Variants in CUX1 observed in about 807,000 individuals in gnomAD.
CUX1 encodes the protein cut like homeobox 1, also known as protein CASP.
A neutral mutation model predicts 158.8 loss-of-function variants in CUX1; 31 were observed. The observed-to-expected ratio is 0.20, with a 90% CI of 0.15 to 0.26. The LOEUF (loss-of-function observed/expected upper bound fraction) is 0.26. Ranked by LOEUF, CUX1 falls within the 10% of genes least tolerant of loss-of-function variation. The probability of loss-of-function intolerance (pLI) is 1.00; values close to 1 mark genes in which losing one functional copy is unlikely to be tolerated. For missense variants in CUX1, 1,589 were observed against 2,014.6 expected (o/e 0.79, Z 4.04); for synonymous variants, 879 against 862.1 (o/e 1.02, Z -0.34).
chr7:102,097,043 G>A (rs117597229), intron 4 of CUX1, among the ~76,000 whole-genome samples: 57 of 152,348 alleles, frequency 3.7e-4, no homozygotes, highest in Non-Finnish European at 7.8e-4. Flanking sequence ...GCTACCTGGT[G>A]TATTTCTCTA....
In CUX1 at chr7:102,282,790, C is replaced by T. The variant is rs782549023; in HGVS notation, c.1967+14C>T. On this transcript the variant is annotated intron_variant, in intron 22 of 22. Coordinates refer to the CUX1 transcript ENST00000292538. The stretch of plus-strand genomic sequence containing the variant: ...CTGCGCCAAGAAGTGAGGACCCCCA[C>T]TTGGGCCCCCCCTCAGCCCCACAGC... 18 of 1,607,846 alleles carry T rather than the reference C, an allele frequency of 1.1e-5. No individual in the cohort carries two copies. The Admixed American group carries it at 2.9e-4, about 25-fold the overall frequency.
intron 20 of CUX1, among the ~76,000 whole-genome samples, chr7:102,221,187 A>G (rs564500160): frequency 6.6e-6 from 1 of 152,250 alleles, no homozygotes; most frequent in Non-Finnish European, 1.5e-5. Context: ...AAAGTGGCGC[A>G]TCAGACCAGC....
intron 2 of CUX1, among the ~76,000 whole-genome samples, chr7:102,016,667 C>T (rs563639264): frequency 6.6e-6 from 1 of 152,160 alleles, no homozygotes; most frequent in Non-Finnish European, 1.5e-5. Context: ...TAGTAGAATT[C>T]TCTCATAAGT....
chr7:101,955,910 C>G (rs1489905112), intron 2 of CUX1, among the ~76,000 whole-genome samples: 1 of 140,336 alleles, frequency 7.1e-6, no homozygotes, highest in Non-Finnish European at 1.5e-5. Context: ...AAGGCTGGGC[C>G]CTGTGGCTCA....
intron 12 of CUX1, among the ~76,000 whole-genome samples, chr7:102,192,090 T>G (rs1250356159): frequency 3.3e-5 from 5 of 152,202 alleles, no homozygotes; most frequent in Admixed American, 6.5e-5. Flanking sequence ...GTTTTCCACT[T>G]CCTGGTGAAC....
intron 2 of CUX1, among the ~76,000 whole-genome samples, chr7:101,974,800 A>T (rs1451755650): frequency 1.3e-5 from 2 of 152,184 alleles, no homozygotes; most frequent in Non-Finnish European, 2.9e-5. Flanking sequence ...CGTTGTATGT[A>T]TAATAAACAC....
rs189715323 is a variant in CUX1, at chr7:102,065,090, G to T, written c.190-5249G>T. The stretch of plus-strand genomic sequence containing the variant: ...CTCCAACTTCAGGGTCATTCTGGTT[G>T]TTTTTTTTTAAGACAGGGTCTCACT... On this transcript the variant is annotated intron_variant, in intron 3 of 23. Coordinates refer to ENST00000292535, the MANE Select transcript of CUX1 (RefSeq NM_181552.4). 1.1e-4 allele frequency among the ~76,000 whole-genome samples: 17 copies of T among 151,204 alleles called. No individual in the cohort carries two copies. In the East Asian group the frequency reaches 3.3e-3, roughly 29 times the overall value.
chr7:102,234,369 A>C, intron 22 of CUX1, 129 bp downstream of exon 22: 1 of 822,460 alleles, frequency 1.2e-6, no homozygotes, highest in Non-Finnish European at 1.7e-6. Flanking sequence ...ACAGGGCAAA[A>C]ATATTTTTGG....
At chr7:102,010,201 C>A (rs1169762968) in intron 2 of CUX1, among the ~76,000 whole-genome samples, 3 of 151,986 alleles carry the variant, frequency 2.0e-5, no homozygotes, top group Non-Finnish European at 4.4e-5. Context: ...CGAGACCAGC[C>A]TGGCCAACAT....
chr7:102,044,628 T>A (rs572486724), intron 3 of CUX1, among the ~76,000 whole-genome samples: 8 of 152,310 alleles, frequency 5.3e-5, no homozygotes, highest in Admixed American at 2.6e-4. Context: ...ATTCTTTGCC[T>A]TATGGAAGTG....
rs1337241518 is a variant in CUX1, at chr7:102,255,635, CAGAA to C, written c.*6599_*6602del. ...TGCTATGTATCAAGCTTTCTGTAAT[CAGAA>C]AGAAAAGGTGCCTTATATCCCAATG... On this transcript the variant is annotated 3_prime_UTR_variant, in exon 24 of 24. Transcript: ENST00000292535. The C allele has an allele frequency of 7.1e-6, 7 of 985,244 alleles. No homozygotes were observed. Among genetic ancestry groups the C allele is most frequent in the African/African-American group, 1.7e-5 (1 of 57,230 alleles). The allele number at this position is 985,244 out of a possible 1,614,324, so 61.0% of individuals were successfully genotyped here.
At chr7:101,895,059 C>G (rs924783975) in intron 1 of CUX1, among the ~76,000 whole-genome samples, 2 of 151,982 alleles carry the variant, frequency 1.3e-5, no homozygotes, top group African/African-American at 2.4e-5. Context: ...CTTGCTGTGT[C>G]GCCCAGGCTG....
At chr7:102,168,888 C>A (rs1791356713) in intron 9 of CUX1, among the ~76,000 whole-genome samples, 1 of 112,886 alleles carries the variant, frequency 8.9e-6, no homozygotes, top group Non-Finnish European at 1.7e-5. Context: ...CCAGGCTTTT[C>A]TTTTCTTTTC....
intron 2 of CUX1, among the ~76,000 whole-genome samples, chr7:101,924,679 C>T (rs1178829751): frequency 1.3e-5 from 2 of 152,044 alleles, no homozygotes; most frequent in Non-Finnish European, 2.9e-5. Context: ...GATCCTCCCA[C>T]CTCAGCCTCC....
At chr7:102,115,014 A>G (rs1831295392) in intron 7 of CUX1, among the ~76,000 whole-genome samples, 193 bp from the exon 8 acceptor site, 1 of 152,152 alleles carries the variant, frequency 6.6e-6, no homozygotes, top group African/African-American at 2.4e-5. Flanking sequence ...TGAGGCAGAA[A>G]TGAAGGGGGA....
intron 1 of CUX1, among the ~76,000 whole-genome samples, chr7:101,903,502 A>G (rs112163267): frequency 0.046 from 6,953 of 152,330 alleles, 224 homozygotes; most frequent in Middle Eastern, 0.075. Context: ...ACAACAGAGC[A>G]GTAAAGAATA....
chr7:102,230,719 T>C (rs1275771759), intron 21 of CUX1, among the ~76,000 whole-genome samples: 1 of 152,190 alleles, frequency 6.6e-6, no homozygotes, highest in African/African-American at 2.4e-5. Flanking sequence ...AAAAAATGGC[T>C]AATTCCCATA....
chr7:101,872,338 T>C (rs1328964082), intron 1 of CUX1, among the ~76,000 whole-genome samples: 3 of 151,990 alleles, frequency 2.0e-5, no homozygotes, highest in African/African-American at 7.2e-5. Flanking sequence ...TTCACCATGT[T>C]GGCCAGGTTG....
intron 10 of CUX1, among the ~76,000 whole-genome samples, chr7:102,172,037 A>G (rs2131703731): frequency 6.6e-6 from 1 of 152,308 alleles, no homozygotes; most frequent in Non-Finnish European, 1.5e-5. Context: ...CTTGTAATAA[A>G]TTCAATCATT....
Sources: gnomAD v4.1 joint callset for allele counts (sites outside exome capture counted in the v4.1 genomes callset) on GRCh38, gnomAD v4.1.1 for gene constraint, MANE v1.5 for transcripts, NCBI Gene and HGNC (gene_info 2026-07-23, HGNC 2026-07-21) for gene names.